Variants in ARHGAP33 observed in about 807,000 individuals in gnomAD.
ARHGAP33 encodes Rho GTPase activating protein 33, also known as rho GTPase-activating protein 33.
ARHGAP33 carries 57 observed loss-of-function variants against 126.2 expected under a neutral mutation model. The observed-to-expected ratio is 0.45, with a 90% CI of 0.36 to 0.56. The LOEUF is 0.56. Among genes scored for constraint, ARHGAP33 ranks in the 20% least tolerant of loss-of-function variants. The pLI, the probability that ARHGAP33 is intolerant of heterozygous loss-of-function variation, is 0.00. For synonymous variants in ARHGAP33, 711 were observed against 755.0 expected, an observed-to-expected ratio of 0.94 and a Z score of 0.95; for missense variants, 1,500 against 1,748.3, an observed-to-expected ratio of 0.86 and a Z score of 2.53.
chr19:35,780,773 A>C lies in ARHGAP33; in HGVS notation c.786A>C (p.Pro262=), dbSNP rs1971722001. 1 of 1,613,568 alleles carries C rather than the reference A, an allele frequency of 6.2e-7. No homozygotes were observed. The highest frequency in any genetic ancestry group is 1.3e-5 in the African/African-American group (1 of 74,820). The change falls in exon 10 of 21, where the codon CCA becomes CCC. Residue 262 remains proline (P), a synonymous_variant. Coordinates refer to ENST00000007510, the MANE Select transcript of ARHGAP33 (RefSeq NM_001366178.1). The part of the protein sequence containing the change: ...PGLKADADGP[P]CGIPAPQGIS... Reference sequence around the variant, plus strand: ...GCCTAGCAGATGCCGATGGCCCCCCATGTGGCATCCCGGCTCCCCAGGGTA... The same window carrying C: ...GCCTAGCAGATGCCGATGGCCCCCCCTGTGGCATCCCGGCTCCCCAGGGTA...
rs1459903892 is a variant in ARHGAP33, at chr19:35,788,202, C to A, written c.3637C>A (p.Pro1213Thr). ...CCGCCTTCCCCAGAAACAACGGGCA[C>A]CCTGGGGACCCCGTACCCCTCATAG... Reference protein sequence around the residue: ...VPRLPQKQRAPWGPRTPHRVP... With the variant: ...VPRLPQKQRATWGPRTPHRVP... The change falls in exon 21 of 21, where the codon CCC becomes ACC. Residue 1213 changes from proline to threonine, a missense_variant. Transcript: ENST00000007510. 6.2e-7 allele frequency: 1 copy of A among 1,608,596 alleles called. No homozygotes were observed. The highest frequency in any genetic ancestry group is 1.7e-5 in the Admixed American group (1 of 58,942).
At position 35,777,684 on chromosome 19, in the gene ARHGAP33, T is replaced by A. The variant is rs779705107; in HGVS notation, c.46T>A (p.Ser16Thr). 2.1e-5 allele frequency: 33 copies of A among 1,591,098 alleles called. No homozygotes were observed. Among genetic ancestry groups the A allele is most frequent in the Non-Finnish European group, 2.4e-5 (28 of 1,168,744 alleles). The stretch of plus-strand genomic sequence containing the variant: ...CAGCCTGGATGGCCCAGGGGAGGGC[T>A]CGGTGCAGCCTCTACCCACTGCTGG... The part of the protein sequence containing the change: ...TDSLDGPGEG[S>T]VQPLPTAGGP... The change falls in exon 2 of 21, where the codon TCG (serine) becomes ACG (threonine). Residue 16 changes from serine (S) to threonine (T), a missense_variant. Ser to Thr is a moderately conservative substitution (Grantham distance 58, BLOSUM62 1). Around this residue, in one of 6 missense-constraint regions of ARHGAP33, gnomAD observed 129 missense variants for 145.9 expected, o/e 0.88. Coordinates refer to ENST00000007510, the MANE Select transcript of ARHGAP33 (RefSeq NM_001366178.1).
chr19:35,788,011 A>T lies in ARHGAP33; in HGVS notation c.3446A>T (p.His1149Leu). Reference sequence around the variant, plus strand: ...GCCCCCTCCTGCTTTCCCCCTGACCACCTTGGCTACTCAGCCCCCCAGCAC... The same window carrying T: ...GCCCCCTCCTGCTTTCCCCCTGACCTCCTTGGCTACTCAGCCCCCCAGCAC... Reference protein sequence around the residue: ...PPAPSCFPPDHLGYSAPQHPA... With the variant: ...PPAPSCFPPDLLGYSAPQHPA... Residue 1149 changes from histidine (H) to leucine (L), a missense_variant, in exon 21 of 21, where the codon CAC (histidine) becomes CTC (leucine). His to Leu is a moderately conservative substitution (Grantham distance 99). Coordinates refer to ENST00000007510, the MANE Select transcript of ARHGAP33 (RefSeq NM_001366178.1). 1 of 1,293,864 alleles carries T rather than the reference A, an allele frequency of 7.7e-7. No individual in the cohort carries two copies. The highest frequency in any genetic ancestry group is 1.0e-6 in the Non-Finnish European group (1 of 981,176). The allele number at this position is 1,293,864 out of a possible 1,614,324, so 80.1% of individuals were successfully genotyped here. A position where few individuals can be genotyped will look rare whatever the true frequency, so the allele number is the denominator to read the frequency against.
chr19:35,784,988 G>A lies in ARHGAP33; in HGVS notation c.1603G>A (p.Gly535Ser). The A allele has an allele frequency of 6.5e-7, 1 of 1,545,982 alleles. No homozygotes were observed. Among genetic ancestry groups the A allele is most frequent in the Non-Finnish European group, 8.7e-7 (1 of 1,146,776 alleles). ...CLLPRPKSLA[G>S]SCPSTRLLTL... ...GCTCCCCAGGCCCAAGTCCCTTGCGGGCAGCTGCCCCTCCACCCGCCTGCT... is the reference window on the plus strand; with the variant it reads ...GCTCCCCAGGCCCAAGTCCCTTGCGAGCAGCTGCCCCTCCACCCGCCTGCT... Residue 535 changes from glycine (G) to serine (S), a missense_variant, in exon 17 of 21, where the codon GGC becomes AGC. Coordinates refer to ENST00000007510, the MANE Select transcript of ARHGAP33 (RefSeq NM_001366178.1).
chr19:35,779,591 G>A (rs987219488), intron 6 of ARHGAP33, among the ~76,000 whole-genome samples: 11 of 150,728 alleles, frequency 7.3e-5, no homozygotes, highest in East Asian at 5.9e-4. Context: ...CACCACGCCC[G>A]GCTAATTTTA....
rs1005428422 is a variant in ARHGAP33 at position 35,785,496 on chromosome 19, G to C, written c.1942+13G>C. On this transcript the variant is annotated intron_variant, in intron 19 of 20. Coordinates refer to ENST00000007510, the MANE Select transcript of ARHGAP33 (RefSeq NM_001366178.1). ...GCCAGCGGGGCTGGTGAGCAAGGCG[G>C]GCAATTGGGGGGCGCTACCTGTGCC... 6.2e-7 allele frequency: 1 copy of C among 1,614,046 alleles called. No homozygotes were observed. Among genetic ancestry groups the C allele is most frequent in the East Asian group, 2.2e-5 (1 of 44,900 alleles).
Position 35,786,596 on chromosome 19 carries a change from C to A in ARHGAP33, c.2126C>A (p.Ser709Tyr). ...GCTGGGCTGGGGGCACTCTCTGGGT[C>A]TCCCTCACACCGTACCTCAGCCTGG... The part of the protein sequence containing the change: ...SAAGLGALSG[S>Y]PSHRTSAWLD... The change falls in exon 20 of 21, where the codon TCT becomes TAT. Residue 709 changes from serine (S) to tyrosine (Y), a missense_variant. Transcript: ENST00000007510. This position sits in a 1 kb window ranked among gnomAD's most constrained non-coding sequence, Gnocchi z 7.0. The A allele has an allele frequency of 6.5e-7, 1 of 1,535,954 alleles. No individual in the cohort carries two copies. The highest frequency in any genetic ancestry group is 8.7e-7 in the Non-Finnish European group (1 of 1,146,806).
rs1599779861 is a variant in ARHGAP33 at position 35,780,498 on chromosome 19, G to A, written c.702G>A (p.Gln234=). ...GGTGGCGGGGCAAGCGAGGCTTCCA[G>A]GTGAGTCCAGCTGGGCGCGGACAGG... ...RSWWRGKRGF[Q]VGFFPSECVE... Residue 234 remains glutamine (Q), a splice_region_variant and synonymous_variant, in exon 8 of 21, where the codon CAG becomes CAA. Transcript: ENST00000007510. The A allele has an allele frequency of 3.7e-6, 6 of 1,607,458 alleles. No homozygotes were observed. The highest frequency in any genetic ancestry group is 8.5e-7 in the Non-Finnish European group (1 of 1,175,778).
chr19:35,782,713 G>T lies in ARHGAP33; in HGVS notation c.1313+34G>T. The T allele has an allele frequency of 6.2e-7, 1 of 1,610,516 alleles. No homozygotes were observed. Among genetic ancestry groups the T allele is most frequent in the Non-Finnish European group, 8.5e-7 (1 of 1,178,426 alleles). On this transcript the variant is annotated intron_variant, in intron 14 of 20. Transcript: ENST00000007510. The surrounding 1 kb of genome is among the most constrained non-coding windows in gnomAD (Gnocchi z 4.1). ...GGAGGGGCAGGGCGGGACTTGGTGG[G>T]ATTCCAAGGGGGTTGAGGCTCAGGT... is the stretch of plus-strand genomic sequence containing the variant.
In ARHGAP33 at chr19:35,785,615, G is replaced by A. The variant is rs1243567050; in HGVS notation, c.1942+132G>A. On this transcript the variant is annotated intron_variant, in intron 19 of 20. Transcript: ENST00000007510. ...CTGGGGCTTTTGAAAAATTTAACCT[G>A]GCCTTTATGTACAATGAGTTGGATA... The A allele has an allele frequency of 4.0e-6, 6 of 1,482,726 alleles. No homozygotes were observed. In the Admixed American group the frequency reaches 1.4e-4, roughly 35 times the overall value. The allele number at this position is 1,482,726 out of a possible 1,614,324, so 91.8% of individuals were successfully genotyped here. A position where few individuals can be genotyped will look rare whatever the true frequency, so the allele number is the denominator to read the frequency against.
Position 35,782,060 on chromosome 19 carries a change from C to G in ARHGAP33, c.1086-313C>G, listed in dbSNP as rs531603509. Among the ~76,000 whole-genome samples, 2 of 152,184 alleles carry G rather than the reference C, an allele frequency of 1.3e-5. No individual in the cohort carries two copies. The highest frequency in any genetic ancestry group is 4.1e-4 in the South Asian group (2 of 4,832). Reference sequence around the variant, plus strand: ...GTCCACATTTTCCAGTGCCCTCTTACAGCCAGGAGAATGGCAGCTGCATGG... The same window carrying G: ...GTCCACATTTTCCAGTGCCCTCTTAGAGCCAGGAGAATGGCAGCTGCATGG... On this transcript the variant is annotated intron_variant, in intron 12 of 20. Transcript: ENST00000007510. This position sits in a 1 kb window ranked among gnomAD's most constrained non-coding sequence, Gnocchi z 4.1.
At position 35,788,162 on chromosome 19, in the gene ARHGAP33, C is replaced by T. The variant is rs182833371; in HGVS notation, c.3597C>T (p.Pro1199=). Residue 1199 remains proline (P), a synonymous_variant, in exon 21 of 21, where the codon CCC becomes CCT. Transcript: ENST00000007510. ...CCCACCCCCGAAGCCGTTCAGATCCCGGTCCCCCAGTCCCCCGCCTTCCCC... is the reference window on the plus strand; with the variant it reads ...CCCACCCCCGAAGCCGTTCAGATCCTGGTCCCCCAGTCCCCCGCCTTCCCC... ...PPAHPRSRSD[P]GPPVPRLPQK... is the part of the protein sequence containing the mutation. The T allele has an allele frequency of 1.6e-5, 25 of 1,610,166 alleles. No individual in the cohort carries two copies. Among genetic ancestry groups the T allele is most frequent in the South Asian group, 5.5e-5 (5 of 90,984 alleles).
chr19:35,779,202 G>A (rs1971614993), intron 6 of ARHGAP33, 78 bp downstream of exon 6: 14 of 1,157,608 alleles, frequency 1.2e-5, no homozygotes, highest in Non-Finnish European at 1.2e-6. Flanking sequence ...CTCGGTGTGT[G>A]TGTGGGCATA....
In ARHGAP33 at chr19:35,785,502, TG is replaced by T. The variant is rs1972066911; in HGVS notation, c.1942+25del. On this transcript the variant is annotated intron_variant, in intron 19 of 20. Transcript: ENST00000007510. ...GGGGCTGGTGAGCAAGGCGGGCAAT[TG>T]GGGGGCGCTACCTGTGCCCATGTGG... 3 of 1,613,732 alleles carry T rather than the reference TG, an allele frequency of 1.9e-6. No individual in the cohort carries two copies. The African/African-American group carries it at 4.0e-5, about 22-fold the overall frequency.
At chr19:35,780,040 G>T (rs1260609514) in intron 6 of ARHGAP33, 171 bp from the exon 7 acceptor site, 1 of 922,752 alleles carries the variant, frequency 1.1e-6, no homozygotes, top group African/African-American at 1.6e-5. Flanking sequence ...CGCAGAGGGT[G>T]CCAGGGCTGC....
chr19:35,777,968 CGAT>C, intron 3 of ARHGAP33, 60 bp downstream of exon 3: 1 of 1,567,058 alleles, frequency 6.4e-7, no homozygotes, highest in South Asian at 1.1e-5. Flanking sequence ...AACCTTGCAA[CGAT>C]ATCAGGTGCT....
At chr19:35,783,003 T>C in intron 15 of ARHGAP33, 134 bp downstream of exon 15, 1 of 742,970 alleles carries the variant, frequency 1.3e-6, no homozygotes, top group Non-Finnish European at 2.2e-6. Context: ...GCCCCGTCCC[T>C]AGCACTGGGG....
Position 35,780,435 on chromosome 19 carries a change from C to A in ARHGAP33, c.639C>A (p.Val213=), listed in dbSNP as rs1197564876. Residue 213 remains valine, a synonymous_variant, in exon 8 of 21, where the codon GTC becomes GTA. Coordinates refer to ENST00000007510, the MANE Select transcript of ARHGAP33 (RefSeq NM_001366178.1). The part of the protein sequence containing the change: ...DELSFEVGDI[V]SVIDMPPTED... ...CCCTCTCCCAGGTGGGAGACATTGT[C>A]TCGGTGATCGACATGCCACCCACAG... The A allele has an allele frequency of 6.3e-7, 1 of 1,596,582 alleles. No individual in the cohort carries two copies.
rs1343888346 is a variant in ARHGAP33, at chr19:35,785,328, C to T, written c.1861C>T (p.Pro621Ser). Residue 621 changes from proline to serine, a missense_variant, in exon 18 of 21, where the codon CCT becomes TCT. Coordinates refer to ENST00000007510, the MANE Select transcript of ARHGAP33 (RefSeq NM_001366178.1). Reference protein sequence around the residue: ...WLGGTRAPPQPSGSRPDTVTL... With the variant: ...WLGGTRAPPQSSGSRPDTVTL... ...GGGGGGCACCCGTGCCCCACCGCAGCCTTCAGGTGAGAGGCTGAGCCATGG... is the reference window on the plus strand; with the variant it reads ...GGGGGGCACCCGTGCCCCACCGCAGTCTTCAGGTGAGAGGCTGAGCCATGG... 1 of 1,611,500 alleles carries T rather than the reference C, an allele frequency of 6.2e-7. No individual in the cohort carries two copies.
Sources: gnomAD v4.1 joint callset for allele counts (sites outside exome capture counted in the v4.1 genomes callset) on GRCh38, gnomAD v4.1.1 for gene constraint, gnomAD v4.1.1 regional missense constraint, Gnocchi (gnomAD v3.1) non-coding constraint, MANE v1.5 for transcripts, NCBI Gene and HGNC (gene_info 2026-07-23, HGNC 2026-07-21) for gene names.